The following GPC6 variants were observed in gnomAD, a reference collection of about 807,000 sequenced individuals.
GPC6 encodes the protein glypican 6, also known as glypican-6.
GPC6 carries 14 observed loss-of-function variants against 55.2 expected under a neutral mutation model. That is an observed-to-expected ratio of 0.25 (90% confidence interval 0.17 to 0.40). The LOEUF is 0.40. GPC6 is among the 10% of genes least tolerant of loss of function. GPC6 has a pLI of 1.00. For missense variants in GPC6, 641 were observed against 708.5 expected (o/e 0.90, Z 1.08); for synonymous variants, 278 against 259.6 (o/e 1.07, Z -0.68).
intron 2 of GPC6, among the ~76,000 whole-genome samples, chr13:93,633,500 G>C (rs950236437): frequency 2.0e-5 from 3 of 151,974 alleles, no homozygotes; most frequent in African/African-American, 7.2e-5. Context: ...ACAAAAATTA[G>C]CTGGGTGTGG....
chr13:94,306,736 G>A (rs1043808921), intron 6 of GPC6, among the ~76,000 whole-genome samples: 4 of 152,028 alleles, frequency 2.6e-5, no homozygotes, highest in African/African-American at 7.2e-5. Flanking sequence ...CATAAACATA[G>A]TAAATACAAT....
chr13:93,902,813 G>A (rs1048312482), intron 3 of GPC6, among the ~76,000 whole-genome samples: 1 of 152,144 alleles, frequency 6.6e-6, no homozygotes, highest in Non-Finnish European at 1.5e-5. Context: ...TCATAAAACT[G>A]TTACACATTT....
chr13:93,424,510 CGCAGT>C (rs1311057421), intron 1 of GPC6, among the ~76,000 whole-genome samples: 1 of 152,086 alleles, frequency 6.6e-6, no homozygotes, highest in African/African-American at 2.4e-5. Flanking sequence ...ACACCTACTA[CGCAGT>C]GCAACATGGA....
rs781192192 is a variant in GPC6 at position 94,398,510 on chromosome 13, A to T, written c.1334A>T (p.Asn445Ile). ...IMNDGLTNQI[N>I]NPEVDVDITR... Reference sequence around the variant, plus strand: ...AATGATGGGCTCACCAACCAGATCAACAATCCCGAGGTGGATGTGGACATC... The same window carrying T: ...AATGATGGGCTCACCAACCAGATCATCAATCCCGAGGTGGATGTGGACATC... The change falls in exon 8 of 9, where the codon AAC becomes ATC. Residue 445 changes from asparagine to isoleucine, a missense_variant. By Grantham distance (149) the Asn-to-Ile change is moderately radical. Coordinates refer to ENST00000377047, the MANE Select transcript of GPC6 (RefSeq NM_005708.5). 8 of 1,613,814 alleles carry T rather than the reference A, an allele frequency of 5.0e-6. No individual in the cohort carries two copies. Among genetic ancestry groups the T allele is most frequent in the Non-Finnish European group, 5.1e-6 (6 of 1,179,790 alleles).
intron 3 of GPC6, among the ~76,000 whole-genome samples, chr13:93,893,266 C>G (rs1010830356): frequency 1.3e-5 from 2 of 151,990 alleles, no homozygotes; most frequent in Admixed American, 1.3e-4. Flanking sequence ...ACCATGTTGG[C>G]CAGGCTGCCC....
At chr13:93,565,258 A>C (rs918700566) in intron 2 of GPC6, among the ~76,000 whole-genome samples, 1 of 152,026 alleles carries the variant, frequency 6.6e-6, no homozygotes, top group African/African-American at 2.4e-5. Flanking sequence ...GTAATTTTCG[A>C]CTTCAATTAT....
intron 2 of GPC6, among the ~76,000 whole-genome samples, chr13:93,591,154 C>CAAAAAAAAAAAAAAAA (rs759879838): frequency 4.5e-5 from 3 of 67,026 alleles, no homozygotes; most frequent in African/African-American, 1.2e-4. Context: ...TCTAATAAAG[C>CAAAAAAAAAAAAAAAA]AAAAGAAAAA....
At chr13:93,376,551 G>A (rs1874906205) in intron 1 of GPC6, among the ~76,000 whole-genome samples, 1 of 152,094 alleles carries the variant, frequency 6.6e-6, no homozygotes, top group African/African-American at 2.4e-5. Flanking sequence ...GCTTGATATA[G>A]CCATCTCTAC....
chr13:93,744,411 T>A (rs1884314167), intron 2 of GPC6, among the ~76,000 whole-genome samples: 1 of 152,078 alleles, frequency 6.6e-6, no homozygotes, highest in African/African-American at 2.4e-5. Context: ...TAGTGCCCAC[T>A]GACCTCTCTT....
intron 3 of GPC6, among the ~76,000 whole-genome samples, chr13:93,890,982 G>A (rs561869559): frequency 7.9e-5 from 12 of 151,898 alleles, no homozygotes; most frequent in Non-Finnish European, 1.3e-4. Flanking sequence ...TAACACTAGC[G>A]AGACATGTCA....
intron 2 of GPC6, among the ~76,000 whole-genome samples, chr13:93,693,888 AAATT>A (rs1487383672): frequency 2.0e-5 from 3 of 152,188 alleles, no homozygotes; most frequent in East Asian, 1.9e-4. Context: ...TAGTTAAATA[AAATT>A]AATTGTTTCA....
chr13:93,288,618 TA>T (rs1211150927), intron 1 of GPC6, among the ~76,000 whole-genome samples: 2 of 152,184 alleles, frequency 1.3e-5, no homozygotes, highest in African/African-American at 4.8e-5. Flanking sequence ...TCATAAAACA[TA>T]AAAAGGCTGT....
intron 1 of GPC6, among the ~76,000 whole-genome samples, chr13:93,415,780 AT>A (rs1293127832): frequency 1.3e-5 from 2 of 152,018 alleles, no homozygotes; most frequent in African/African-American, 2.4e-5. Flanking sequence ...GGTCTTTAGG[AT>A]TTTTTTGTGA....
At position 94,033,608 on chromosome 13, in the gene GPC6, G is replaced by A. The variant is rs938297778; in HGVS notation, c.877+5714G>A. Among the ~76,000 whole-genome samples the A allele has an allele frequency of 8.5e-5, 13 of 152,128 alleles. No individual in the cohort carries two copies. In the South Asian group the frequency reaches 1.9e-3, roughly 22 times the overall value. The stretch of plus-strand genomic sequence containing the variant: ...AGAAGGAACGATTTCAAGCATTTGC[G>A]TAAGATACTGTTCTTTCAAAGACCT... On this transcript the variant is annotated intron_variant, in intron 4 of 8. Transcript: ENST00000377047.
chr13:94,392,455 T>G (rs1474231286), intron 7 of GPC6, among the ~76,000 whole-genome samples: 1 of 134,408 alleles, frequency 7.4e-6, no homozygotes, highest in African/African-American at 2.9e-5. Context: ...GGAGATGGAG[T>G]TTAGCTCTTG....
chr13:94,344,928 G>A (rs1471579954), intron 6 of GPC6, among the ~76,000 whole-genome samples: 3 of 152,134 alleles, frequency 2.0e-5, no homozygotes, highest in Admixed American at 2.0e-4. Flanking sequence ...TTGAATTAAA[G>A]TTGTTCCTGT....
chr13:93,805,963 A>C (rs1414575495), intron 2 of GPC6, among the ~76,000 whole-genome samples: 3 of 152,122 alleles, frequency 2.0e-5, no homozygotes, highest in Non-Finnish European at 4.4e-5. Flanking sequence ...TGAGGATTTG[A>C]GTCTCGTCAG....
intron 1 of GPC6, among the ~76,000 whole-genome samples, chr13:93,474,014 C>G (rs977189067): frequency 1.3e-5 from 2 of 152,216 alleles, no homozygotes; most frequent in African/African-American, 2.4e-5. Flanking sequence ...CATCTCCCCA[C>G]TGCAGCCAGC....
chr13:93,449,522 T>A (rs1039535497), intron 1 of GPC6, among the ~76,000 whole-genome samples: 1 of 152,144 alleles, frequency 6.6e-6, no homozygotes, highest in African/African-American at 2.4e-5. Context: ...ATTAACACCC[T>A]CTTTAAATTA....
Sources: allele counts gnomAD v4.1 joint callset (sites outside exome capture counted in the v4.1 genomes callset), GRCh38; gene constraint gnomAD v4.1.1; transcripts MANE v1.5; gene names NCBI Gene and HGNC (gene_info 2026-07-23, HGNC 2026-07-21).